The following NPAS2 variants were observed in gnomAD, a reference collection of about 807,000 sequenced individuals.
The protein encoded by NPAS2 is neuronal PAS domain-containing protein 2.
NPAS2 carries 23 observed loss-of-function variants against 107.5 expected under a neutral mutation model. The observed-to-expected ratio is 0.21, with a 90% CI of 0.15 to 0.30. The LOEUF is 0.30. Among genes scored for constraint, NPAS2 ranks in the 10% least tolerant of loss-of-function variants. The probability of loss-of-function intolerance (pLI) is 1.00; values close to 1 mark genes in which losing one functional copy is unlikely to be tolerated. For synonymous variants in NPAS2, 403 were observed against 417.5 expected (o/e 0.97, Z 0.42); for missense variants, 756 against 1,043.3 (o/e 0.72, Z 3.79).
intron 3 of NPAS2, among the ~76,000 whole-genome samples, chr2:100,931,737 G>T (rs1236487832): frequency 2.6e-5 from 4 of 152,046 alleles, no homozygotes; most frequent in Non-Finnish European, 4.4e-5. Flanking sequence ...GCCCATCTCG[G>T]CCTCCCAAAC....
chr2:100,920,604 G>T (rs530001638), intron 2 of NPAS2, among the ~76,000 whole-genome samples: 1 of 152,106 alleles, frequency 6.6e-6, no homozygotes, highest in South Asian at 2.1e-4. Context: ...TAAAGCTGAC[G>T]TGCTCATCAC....
chr2:100,863,436 G>C (rs1679062600), intron 1 of NPAS2, among the ~76,000 whole-genome samples: 1 of 152,230 alleles, frequency 6.6e-6, no homozygotes, highest in Non-Finnish European at 1.5e-5. Context: ...CTGGCAGATA[G>C]AAAGATGTGC....
chr2:100,993,843 G>T (rs1170128685), intron 20 of NPAS2: 2 of 296,442 alleles, frequency 6.7e-6, no homozygotes, highest in Non-Finnish European at 1.2e-5. Flanking sequence ...TAGAGCAAAA[G>T]TCGAAAAACA....
intron 14 of NPAS2, 38 bp downstream of exon 14, chr2:100,975,605 CT>C: frequency 6.8e-7 from 1 of 1,467,726 alleles, no homozygotes; most frequent in Non-Finnish European, 9.4e-7. Flanking sequence ...CGGGTGTACG[CT>C]ACAATGTGGT....
chr2:100,931,800 C>T (rs1269545902), intron 3 of NPAS2, among the ~76,000 whole-genome samples: 1 of 152,194 alleles, frequency 6.6e-6, no homozygotes, highest in Non-Finnish European at 1.5e-5. Context: ...CAGCTCTTTA[C>T]ATCTTTTGTT....
At chr2:100,949,906 G>A (rs1178084215) in intron 7 of NPAS2, among the ~76,000 whole-genome samples, 1 of 152,168 alleles carries the variant, frequency 6.6e-6, no homozygotes, top group Non-Finnish European at 1.5e-5. Flanking sequence ...TGGTCCGTAG[G>A]TCTTCTGCTC....
Position 100,974,789 on chromosome 2 carries a change from T to A in NPAS2, c.1141-14T>A, listed in dbSNP as rs751392683. The A allele has an allele frequency of 1.2e-6, 2 of 1,612,560 alleles. No individual in the cohort carries two copies. The highest frequency in any genetic ancestry group is 1.7e-6 in the Non-Finnish European group (2 of 1,179,182). On this transcript the variant is annotated splice_polypyrimidine_tract_variant and intron_variant, in intron 12 of 20. Transcript: ENST00000335681. ...TGATGCTGACATGAGGACTGTTTGATGTGTGTGTTTCAGGACAAGGGCTCA... is the reference window on the plus strand; with the variant it reads ...TGATGCTGACATGAGGACTGTTTGAAGTGTGTGTTTCAGGACAAGGGCTCA...
chr2:100,950,979 A>AACC lies in NPAS2; in HGVS notation c.598+1500_598+1502dup, dbSNP rs976904421. Among the ~76,000 whole-genome samples, 18 of 152,218 alleles carry AACC rather than the reference A, an allele frequency of 1.2e-4. 1 individual carries two copies. ...CTGACCTAAGAGGCACCTTGTAGAGAACCCAGCATCGTACTAACCCTAGCG... is the reference window on the plus strand; with the variant it reads ...CTGACCTAAGAGGCACCTTGTAGAGAACCACCCAGCATCGTACTAACCCTAGCG... On this transcript the variant is annotated intron_variant, in intron 7 of 20. Transcript: ENST00000335681.
chr2:100,993,322 GT>G (rs753007020), intron 19 of NPAS2, 24 bp from the exon 20 acceptor site: 2 of 1,537,270 alleles, frequency 1.3e-6, no homozygotes, highest in South Asian at 2.4e-5. Flanking sequence ...TAAAGGACCT[GT>G]TTTCTCCTTC....
intron 7 of NPAS2, among the ~76,000 whole-genome samples, chr2:100,955,325 G>A (rs925233804): frequency 2.6e-5 from 4 of 152,138 alleles, no homozygotes; most frequent in Non-Finnish European, 2.9e-5. Context: ...GAAGGACAGC[G>A]ACCCTTACTG....
At chr2:100,852,779 G>A (rs535875391) in intron 1 of NPAS2, among the ~76,000 whole-genome samples, 11 of 152,268 alleles carry the variant, frequency 7.2e-5, no homozygotes, top group Admixed American at 3.3e-4. Context: ...GAGCAAAATC[G>A]CAAGTATGGA....
chr2:100,821,006 C>T, intron 1 of NPAS2: 1 of 1,285,634 alleles, frequency 7.8e-7, no homozygotes, highest in Non-Finnish European at 1.0e-6. Flanking sequence ...CCCACCCCAA[C>T]TCCGGAGCTC....
At chr2:100,886,985 C>T (rs768334487) in intron 1 of NPAS2, among the ~76,000 whole-genome samples, 1 of 152,132 alleles carries the variant, frequency 6.6e-6, no homozygotes, top group Non-Finnish European at 1.5e-5. Context: ...TTGTTATAAA[C>T]GTGACATAAA....
chr2:100,895,227 A>G lies in NPAS2; in HGVS notation c.-22-9506A>G, dbSNP rs534235794. ...ACTGTGAGCCCTTTAATTCATGATC[A>G]TTAGTGATAGTGTGATTAAAATTCT... On this transcript the variant is annotated intron_variant, in intron 1 of 20. Coordinates refer to ENST00000335681, the MANE Select transcript of NPAS2 (RefSeq NM_002518.4). Among the ~76,000 whole-genome samples, 4 of 152,324 alleles carry G rather than the reference A, an allele frequency of 2.6e-5. No homozygotes were observed. In the South Asian group the frequency reaches 6.2e-4, roughly 24 times the overall value.
At chr2:100,842,295 T>C (rs1677484437) in intron 1 of NPAS2, among the ~76,000 whole-genome samples, 1 of 152,178 alleles carries the variant, frequency 6.6e-6, no homozygotes, top group African/African-American at 2.4e-5. Flanking sequence ...CAGGATCCTT[T>C]CCATCCCATC....
intron 7 of NPAS2, among the ~76,000 whole-genome samples, chr2:100,954,526 G>A (rs1573711425): frequency 6.6e-6 from 1 of 152,102 alleles, no homozygotes; most frequent in Admixed American, 6.5e-5. Flanking sequence ...TTAGCTGGGT[G>A]TGTTGGCACA....
chr2:100,961,583 A>T (rs1243312506), intron 7 of NPAS2, among the ~76,000 whole-genome samples: 1 of 152,176 alleles, frequency 6.6e-6, no homozygotes, highest in Admixed American at 6.6e-5. Flanking sequence ...ATCTTTAAAG[A>T]CTTAGATGCT....
At chr2:100,830,654 G>A (rs377317432) in intron 1 of NPAS2, among the ~76,000 whole-genome samples, 57 of 152,284 alleles carry the variant, frequency 3.7e-4, no homozygotes, top group African/African-American at 1.3e-3. Context: ...ATGGTTCTCC[G>A]ACATGGGCTG....
At chr2:100,961,810 C>T (rs77245854) in intron 7 of NPAS2, among the ~76,000 whole-genome samples, 1 of 152,196 alleles carries the variant, frequency 6.6e-6, no homozygotes. Flanking sequence ...GCTGAAAGAT[C>T]GTTCAAAGAT....
Sources: allele counts gnomAD v4.1 joint callset (sites outside exome capture counted in the v4.1 genomes callset), GRCh38; gene constraint gnomAD v4.1.1; transcripts MANE v1.5; gene names NCBI Gene and HGNC (gene_info 2026-07-23, HGNC 2026-07-21).